The following BAZ1B variants were observed in gnomAD, a reference collection of about 807,000 sequenced individuals.
BAZ1B encodes the protein tyrosine-protein kinase BAZ1B.
In BAZ1B, 22 loss-of-function variants were observed where a neutral mutation model predicts 153.8. That is an observed-to-expected ratio of 0.14 (90% CI 0.10 to 0.20). BAZ1B has a LOEUF of 0.20. BAZ1B is among the 10% of genes least tolerant of loss of function. The pLI, the probability that BAZ1B is intolerant of heterozygous loss-of-function variation, is 1.00. For missense variants in BAZ1B, 1,325 were observed against 1,799.3 expected (o/e 0.74, Z 4.77); for synonymous variants, 676 against 633.4 (o/e 1.07, Z -1.01).
At chr7:73,445,313 G>A (rs985768234) in intron 16 of BAZ1B, among the ~76,000 whole-genome samples, 1 of 152,154 alleles carries the variant, frequency 6.6e-6, no homozygotes, top group Non-Finnish European at 1.5e-5. Context: ...TCTAGCTCAA[G>A]CCCAGGCTAG....
chr7:73,446,782 A>T lies in BAZ1B; in HGVS notation c.3844+482T>A, dbSNP rs1009156639. On this transcript the variant is annotated intron_variant, in intron 16 of 19. Transcript: ENST00000339594. ...CATCCTTCCACCTAAGCCTTCAAAT[A>T]ATCAGTCGTCTCTTTTCAAACCAGC... Among the ~76,000 whole-genome samples the T allele has an allele frequency of 3.9e-5, 6 of 152,144 alleles. No homozygotes were observed. The South Asian group carries it at 8.3e-4, about 21-fold the overall frequency.
At chr7:73,445,914 ACT>A (rs1554566497) in intron 16 of BAZ1B, among the ~76,000 whole-genome samples, 1 of 152,174 alleles carries the variant, frequency 6.6e-6, no homozygotes, top group African/African-American at 2.4e-5. Context: ...CAAGTCACTG[ACT>A]CTGACCAACA....
intron 4 of BAZ1B, among the ~76,000 whole-genome samples, chr7:73,496,437 G>A (rs916334702): frequency 6.6e-6 from 1 of 152,138 alleles, no homozygotes; most frequent in Admixed American, 6.5e-5. Flanking sequence ...ACACAAAATA[G>A]AATGGGAGAC....
intron 7 of BAZ1B, among the ~76,000 whole-genome samples, chr7:73,472,942 C>CT (rs549183487): frequency 0.019 from 2,748 of 140,984 alleles, 59 homozygotes; most frequent in African/African-American, 0.054. Flanking sequence ...CCCAGCTGAT[C>CT]TTTTTTTTTT....
chr7:73,482,444 T>C (rs1283720897), intron 6 of BAZ1B, among the ~76,000 whole-genome samples: 2 of 152,180 alleles, frequency 1.3e-5, no homozygotes, highest in Non-Finnish European at 2.9e-5. Context: ...AGTACACACA[T>C]ACAGGCGGAC....
Position 73,478,061 on chromosome 7 carries a change from G to C in BAZ1B, c.1400C>G (p.Pro467Arg), listed in dbSNP as rs782630010. ...GGCTGCAGGAGGCAGATGTTTATGA[G>C]GTTTACTAGAGGTCCTAGGTGTACC... is the stretch of plus-strand genomic sequence containing the variant. ...SGGTPRTSSKPHKHLPPAALH... is the reference protein window; with the variant it reads ...SGGTPRTSSKRHKHLPPAALH... The change falls in exon 7 of 20, where the codon CCT (proline) becomes CGT (arginine). Residue 467 changes from proline to arginine, a missense_variant. Physicochemically the swap from Pro to Arg is moderately radical, Grantham distance 103. Transcript: ENST00000339594. The C allele has an allele frequency of 6.2e-7, 1 of 1,614,132 alleles. No homozygotes were observed. The highest frequency in any genetic ancestry group is 1.1e-5 in the South Asian group (1 of 91,082).
At chr7:73,447,440 G>T in intron 15 of BAZ1B, 61 bp from the exon 16 acceptor site, 1 of 1,541,918 alleles carries the variant, frequency 6.5e-7, no homozygotes, top group South Asian at 1.3e-5. Context: ...CCTAAGAAGG[G>T]CTCAAATCCC....
chr7:73,473,470 C>G (rs137953156), intron 7 of BAZ1B, among the ~76,000 whole-genome samples: 2,463 of 152,198 alleles, frequency 0.016, 52 homozygotes, highest in African/African-American at 0.054. Flanking sequence ...ACGAGAATAG[C>G]TTGAACCTGG....
chr7:73,520,074 T>A (rs782130340), intron 1 of BAZ1B, among the ~76,000 whole-genome samples: 4 of 151,990 alleles, frequency 2.6e-5, no homozygotes, highest in Admixed American at 1.3e-4. Flanking sequence ...CCGGGCGTGG[T>A]GGCACGCGCC....
intron 6 of BAZ1B, 112 bp downstream of exon 6, chr7:73,489,082 A>G: frequency 1.7e-6 from 2 of 1,157,644 alleles, no homozygotes; most frequent in Non-Finnish European, 2.4e-6. Context: ...AAAATTTTTA[A>G]TTCATTATCT....
rs561366941 is a variant in BAZ1B, at chr7:73,447,939, G to C, written c.3729-560C>G. On this transcript the variant is annotated intron_variant, in intron 15 of 19. Transcript: ENST00000339594. The stretch of plus-strand genomic sequence containing the variant: ...GCAACATGTCTCATCTCTAAGTGCA[G>C]CTGGGATGGAGTGCAAAAGAACCTG... Among the ~76,000 whole-genome samples, 6 of 152,342 alleles carry C rather than the reference G, an allele frequency of 3.9e-5. No individual in the cohort carries two copies. In the East Asian group the frequency reaches 9.6e-4, roughly 24 times the overall value.
At chr7:73,470,903 T>C (rs927444995) in intron 7 of BAZ1B, among the ~76,000 whole-genome samples, 1 of 152,116 alleles carries the variant, frequency 6.6e-6, no homozygotes, top group African/African-American at 2.4e-5. Context: ...TCCAGCTAAT[T>C]TTTACATTTT....
chr7:73,502,278 G>A (rs1554577242), intron 3 of BAZ1B, among the ~76,000 whole-genome samples: 2 of 151,902 alleles, frequency 1.3e-5, no homozygotes, highest in East Asian at 1.9e-4. Flanking sequence ...TACATAGCCG[G>A]TCATCAATAA....
At chr7:73,444,176 G>T (rs200826496) in intron 16 of BAZ1B, 47 bp from the exon 17 acceptor site, 2 of 1,520,782 alleles carry the variant, frequency 1.3e-6, no homozygotes, top group East Asian at 4.8e-5. Flanking sequence ...GAAGGTGAAG[G>T]GAGGAGCATC....
intron 11 of BAZ1B, 104 bp from the exon 12 acceptor site, chr7:73,463,203 A>C: frequency 1.9e-6 from 2 of 1,057,196 alleles, no homozygotes; most frequent in East Asian, 2.6e-5. Flanking sequence ...ACTTACTTAG[A>C]TCTCTTTCAC....
chr7:73,466,374 G>C lies in BAZ1B; in HGVS notation c.2894C>G (p.Ala965Gly), dbSNP rs540646992. 8.7e-6 allele frequency: 14 copies of C among 1,613,752 alleles called. No individual in the cohort carries two copies. In the South Asian group the frequency reaches 1.4e-4, roughly 16 times the overall value. Residue 965 changes from alanine (A) to glycine (G), a missense_variant, in exon 10 of 20, where the codon GCA becomes GGA. Ala to Gly is a moderately conservative substitution (Grantham distance 60, BLOSUM62 0). Around this residue, in one of 9 missense-constraint regions of BAZ1B, gnomAD observed 431 missense variants for 563.5 expected, o/e 0.76. Transcript: ENST00000339594. ...RSKKANLGKN[A>G]SMNTQHGTAT... is the part of the protein sequence containing the mutation. ...TGTTCCATGTTGTGTGTTCATGCTT[G>C]CATTTTTACCTAAGTTTGCTTTCTT...
chr7:73,513,882 A>C (rs1790683838), intron 1 of BAZ1B, among the ~76,000 whole-genome samples: 1 of 152,166 alleles, frequency 6.6e-6, no homozygotes, highest in African/African-American at 2.4e-5. Context: ...AGAAAAAAAA[A>C]AACTCACTGT....
At chr7:73,502,285 A>G (rs114995066) in intron 3 of BAZ1B, among the ~76,000 whole-genome samples, 1,898 of 152,252 alleles carry the variant, frequency 0.012, 42 homozygotes, top group African/African-American at 0.044. Flanking sequence ...CCGGTCATCA[A>G]TAAATATCTG....
At chr7:73,466,571 C>G (rs1788594424) in intron 9 of BAZ1B, among the ~76,000 whole-genome samples, 170 bp from the exon 10 acceptor site, 1 of 152,124 alleles carries the variant, frequency 6.6e-6, no homozygotes, top group African/African-American at 2.4e-5. Context: ...TCTTAAATAT[C>G]TTAAACACAG....
Sources: gnomAD v4.1 joint callset for allele counts (sites outside exome capture counted in the v4.1 genomes callset) on GRCh38, gnomAD v4.1.1 for gene constraint, gnomAD v4.1.1 regional missense constraint, MANE v1.5 for transcripts, NCBI Gene and HGNC (gene_info 2026-07-23, HGNC 2026-07-21) for gene names.